The following SLC15A1 variants were observed in gnomAD, a reference collection of about 807,000 sequenced individuals.
The protein encoded by SLC15A1 is Caco-2 oligopeptide transporter.
A neutral mutation model predicts 92.9 loss-of-function variants in SLC15A1; 83 were observed. The observed-to-expected ratio is 0.89, with a 90% CI of 0.75 to 1.07. The LOEUF is 1.07. SLC15A1 is among the 50% of genes least tolerant of loss of function. The probability of loss-of-function intolerance (pLI) is 0.00; values close to 1 mark genes in which losing one functional copy is unlikely to be tolerated. For synonymous variants in SLC15A1, 322 were observed against 318.2 expected (o/e 1.01, Z -0.13); for missense variants, 857 against 880.1 (o/e 0.97, Z 0.33).
rs138096942 is a variant in SLC15A1 at position 98,708,549 on chromosome 13, G to T, written c.1149+137C>A. On this transcript the variant is annotated intron_variant, in intron 15 of 22. Coordinates refer to ENST00000376503, the MANE Select transcript of SLC15A1 (RefSeq NM_005073.4). ...CCTCACACCCATGGTGCCTCCCACT[G>T]CCCACAGCTCCAGGGCTCAGTTTAC... 206 of 638,112 alleles carry T rather than the reference G, an allele frequency of 3.2e-4. 1 individual carries two copies. In the African/African-American group the frequency reaches 3.7e-3, roughly 11 times the overall value. The allele number at this position is 638,112 out of a possible 1,614,324, so 39.5% of individuals were successfully genotyped here.
intron 1 of SLC15A1, among the ~76,000 whole-genome samples, chr13:98,729,666 G>C (rs1213854860): frequency 6.6e-6 from 1 of 152,108 alleles, no homozygotes; most frequent in African/African-American, 2.4e-5. Context: ...TTCCCTCTGG[G>C]GCCCTTCCTT....
At chr13:98,738,813 T>C (rs1337095677) in intron 1 of SLC15A1, among the ~76,000 whole-genome samples, 1 of 152,222 alleles carries the variant, frequency 6.6e-6, no homozygotes. Flanking sequence ...ATTGAGGCAT[T>C]GCCTAGTGGA....
intron 18 of SLC15A1, among the ~76,000 whole-genome samples, chr13:98,695,581 T>C (rs965882453): frequency 5.9e-5 from 9 of 152,022 alleles, no homozygotes; most frequent in African/African-American, 2.2e-4. Context: ...TTAGTAGAGA[T>C]GGGGTTTCAC....
intron 18 of SLC15A1, among the ~76,000 whole-genome samples, 190 bp downstream of exon 18, chr13:98,702,290 T>C (rs2088074194): frequency 6.6e-6 from 1 of 152,202 alleles, no homozygotes; most frequent in South Asian, 2.1e-4. Flanking sequence ...ACGTACAATT[T>C]CCTCTTGAGT....
intron 1 of SLC15A1, among the ~76,000 whole-genome samples, chr13:98,727,742 A>T (rs2088314335): frequency 6.6e-6 from 1 of 152,082 alleles, no homozygotes; most frequent in Non-Finnish European, 1.5e-5. Context: ...ACACAAACAC[A>T]TTGCCCTGTG....
intron 7 of SLC15A1, 43 bp from the exon 8 acceptor site, chr13:98,719,363 A>G: frequency 7.3e-7 from 1 of 1,378,824 alleles, no homozygotes; most frequent in Non-Finnish European, 1.0e-6. Flanking sequence ...GGCATTGGTA[A>G]TGAGCATATA....
intron 8 of SLC15A1, 61 bp from the exon 9 acceptor site, chr13:98,716,021 A>G (rs572624403): frequency 7.5e-7 from 1 of 1,325,244 alleles, no homozygotes; most frequent in East Asian, 2.3e-5. Context: ...TGTGGCCTAG[A>G]GAGATGCGCC....
In SLC15A1 at chr13:98,715,863, A is replaced by G; in HGVS notation, c.723+15T>C. On this transcript the variant is annotated intron_variant, in intron 9 of 22. Coordinates refer to ENST00000376503, the MANE Select transcript of SLC15A1 (RefSeq NM_005073.4). The stretch of plus-strand genomic sequence containing the variant: ...TGGTTAAATAGCCTTGAGAAAGAGC[A>G]GCTGAGATACTTACACCGATGCACT... The G allele has an allele frequency of 6.2e-7, 1 of 1,610,978 alleles. No individual in the cohort carries two copies. Among genetic ancestry groups the G allele is most frequent in the East Asian group, 2.2e-5 (1 of 44,878 alleles).
intron 1 of SLC15A1, among the ~76,000 whole-genome samples, chr13:98,736,551 G>A (rs2088395826): frequency 6.6e-6 from 1 of 152,154 alleles, no homozygotes; most frequent in Admixed American, 6.5e-5. Context: ...GGAGTGAACA[G>A]GTAACCAACA....
intron 1 of SLC15A1, among the ~76,000 whole-genome samples, chr13:98,744,782 C>T (rs752859196): frequency 1.4e-5 from 2 of 147,866 alleles, no homozygotes; most frequent in African/African-American, 5.0e-5. Context: ...AGGCAAAAAC[C>T]GCAATTACTT....
rs184968662 is a variant in SLC15A1, at chr13:98,733,166, C to T, written c.5-6307G>A. ...CGAGAGCCTTTCAAGGTAGCACTGC[C>T]GACACCTTGATTTTAGCCCGGTAAA... is the stretch of plus-strand genomic sequence containing the variant. On this transcript the variant is annotated intron_variant, in intron 1 of 22. Transcript: ENST00000376503. 7.9e-5 allele frequency among the ~76,000 whole-genome samples: 12 copies of T among 152,154 alleles called. No homozygotes were observed. The East Asian group carries it at 1.2e-3, about 15-fold the overall frequency.
Position 98,726,396 on chromosome 13 carries a change from G to A in SLC15A1, c.75C>T (p.Cys25=), listed in dbSNP as rs763694231. The A allele has an allele frequency of 7.1e-5, 114 of 1,613,998 alleles. No individual in the cohort carries two copies. Among genetic ancestry groups the A allele is most frequent in the Middle Eastern group, 3.3e-4 (2 of 6,084 alleles). Residue 25 remains cysteine, a synonymous_variant, in exon 3 of 23, where the codon TGC becomes TGT. Coordinates refer to ENST00000376503, the MANE Select transcript of SLC15A1 (RefSeq NM_005073.4). ...SIFFIVVNEF[C]ERFSYYGMRA... ...GCATTCCATAGTAGGAAAATCTTTC[G>A]CAAAACTCATTGACCACGATGAAGA... is the stretch of plus-strand genomic sequence containing the variant.
intron 18 of SLC15A1, among the ~76,000 whole-genome samples, chr13:98,701,493 TTA>T (rs971982838): frequency 1.3e-5 from 2 of 150,854 alleles, no homozygotes; most frequent in African/African-American, 2.4e-5. Context: ...ATTTATTTAT[TTA>T]TATATATATA....
At chr13:98,725,610 A>G (rs949163005) in intron 4 of SLC15A1, among the ~76,000 whole-genome samples, 2 of 152,230 alleles carry the variant, frequency 1.3e-5, no homozygotes, top group South Asian at 2.1e-4. Flanking sequence ...TTAGGGAAAA[A>G]CAAAAACCTA....
intron 1 of SLC15A1, among the ~76,000 whole-genome samples, chr13:98,727,897 C>T (rs900250170): frequency 2.6e-5 from 4 of 152,188 alleles, no homozygotes; most frequent in African/African-American, 4.8e-5. Flanking sequence ...ATCTAGGAAT[C>T]GGTGACCCCA....
chr13:98,720,882 C>G (rs762347862), intron 7 of SLC15A1: 2 of 347,294 alleles, frequency 5.8e-6, no homozygotes. Flanking sequence ...AATCCCATCT[C>G]TACTAAAAAT....
intron 7 of SLC15A1, chr13:98,720,790 C>T (rs1399423696): frequency 1.1e-5 from 3 of 279,784 alleles, no homozygotes; most frequent in Admixed American, 4.6e-5. Flanking sequence ...GTGGCTCACA[C>T]CTGTAATCCC....
At chr13:98,712,013 G>A (rs576233417) in intron 10 of SLC15A1, 70 bp from the exon 11 acceptor site, 19 of 1,147,640 alleles carry the variant, frequency 1.7e-5, no homozygotes, top group Admixed American at 6.9e-5. Context: ...GCTTACAGGT[G>A]CTGCTGATTT....
chr13:98,687,391 AG>A (rs746287872), intron 21 of SLC15A1, among the ~76,000 whole-genome samples, 189 bp downstream of exon 21: 6 of 152,226 alleles, frequency 3.9e-5, no homozygotes, highest in Non-Finnish European at 8.8e-5. Context: ...GCAAAGTTCA[AG>A]ACAGTAATAA....
Sources: gnomAD v4.1 joint callset for allele counts (sites outside exome capture counted in the v4.1 genomes callset) on GRCh38, gnomAD v4.1.1 for gene constraint, MANE v1.5 for transcripts, NCBI Gene and HGNC (gene_info 2026-07-23, HGNC 2026-07-21) for gene names.